CDH18: variants seen among roughly 807,000 people sequenced by gnomAD.
CDH18 encodes cadherin 18, also known as cadherin-18.
CDH18 carries 31 observed loss-of-function variants against 67.9 expected under a neutral mutation model. That is an observed-to-expected ratio of 0.46 (90% CI 0.34 to 0.62). The LOEUF (loss-of-function observed/expected upper bound fraction) is 0.62. CDH18 is among the 20% of genes least tolerant of loss of function. The pLI, the probability that CDH18 is intolerant of heterozygous loss-of-function variation, is 0.01. For missense variants in CDH18, 890 were observed against 975.5 expected (o/e 0.91, Z 1.17); for synonymous variants, 362 against 347.2 (o/e 1.04, Z -0.48).
At chr5:20,489,392 A>G (rs1753442705) in intron 1 of CDH18, among the ~76,000 whole-genome samples, 1 of 152,084 alleles carries the variant, frequency 6.6e-6, no homozygotes, top group East Asian at 1.9e-4. Context: ...TGATTATTGA[A>G]TATTTTGATA....
intron 2 of CDH18, among the ~76,000 whole-genome samples, chr5:19,938,007 C>CTA (rs935258012): frequency 6.9e-6 from 1 of 145,726 alleles, no homozygotes; most frequent in East Asian, 2.0e-4. Context: ...AATATATTTG[C>CTA]TATATATATA....
rs186532304 is a variant in CDH18 at position 20,288,085 on chromosome 5, T to G, written c.-579-32580A>C. ...AGATATTCTGGGGTCATTTTTTTTT[T>G]GTCACTGTGGACCAAATGCCATGCA... On this transcript the variant is annotated intron_variant, in intron 1 of 14. Coordinates refer to the CDH18 transcript ENST00000507958. Among the ~76,000 whole-genome samples, 3 of 151,838 alleles carry G rather than the reference T, an allele frequency of 2.0e-5. No homozygotes were observed. The East Asian group carries it at 5.8e-4, about 29-fold the overall frequency.
intron 1 of CDH18, chr5:20,255,627 T>TTA (rs1744175213): frequency 6.6e-6 from 1 of 151,940 alleles, no homozygotes; most frequent in Non-Finnish European, 1.5e-5. Flanking sequence ...AATACATTTT[T>TTA]GAAGAGATAA....
At chr5:20,100,233 G>C (rs1334168624) in intron 2 of CDH18, among the ~76,000 whole-genome samples, 1 of 152,050 alleles carries the variant, frequency 6.6e-6, no homozygotes, top group African/African-American at 2.4e-5. Flanking sequence ...TAAAAGAATG[G>C]GGTAGAATTT....
At chr5:20,573,665 T>C (rs1285858557) in intron 1 of CDH18, among the ~76,000 whole-genome samples, 1 of 150,390 alleles carries the variant, frequency 6.6e-6, no homozygotes, top group Non-Finnish European at 1.5e-5. Context: ...CTAAACAAGG[T>C]TATAATAGAT....
intron 2 of CDH18, among the ~76,000 whole-genome samples, chr5:20,033,031 A>T (rs1291634313): frequency 6.6e-6 from 1 of 151,942 alleles, no homozygotes; most frequent in African/African-American, 2.4e-5. Context: ...AACACAAAAG[A>T]TATTATCTCC....
intron 3 of CDH18, among the ~76,000 whole-genome samples, chr5:19,781,216 C>A (rs906996867): frequency 6.6e-6 from 1 of 151,286 alleles, no homozygotes. Flanking sequence ...ATTGTTATTG[C>A]AAAGAAAAAA....
chr5:20,462,974 G>C (rs1046941367), intron 1 of CDH18, among the ~76,000 whole-genome samples: 1 of 152,060 alleles, frequency 6.6e-6, no homozygotes, highest in South Asian at 2.1e-4. Flanking sequence ...ACATACTCTG[G>C]AGCAAAACTG....
intron 6 of CDH18, among the ~76,000 whole-genome samples, chr5:19,609,421 C>T (rs547494329): frequency 9.2e-5 from 14 of 151,928 alleles, no homozygotes; most frequent in Middle Eastern, 3.4e-3. Flanking sequence ...TTTCACATTC[C>T]TGATACTGAC....
intron 11 of CDH18, chr5:19,502,565 T>C (rs1743431129): frequency 6.6e-6 from 2 of 304,640 alleles, no homozygotes; most frequent in East Asian, 5.6e-5. Context: ...GGAAATATAA[T>C]TTGTAAAGCA....
intron 6 of CDH18, among the ~76,000 whole-genome samples, chr5:19,612,138 T>C (rs1385532019): frequency 1.3e-5 from 2 of 152,188 alleles, no homozygotes; most frequent in South Asian, 2.1e-4. Flanking sequence ...TTTAAGAATA[T>C]ACAGATACTT....
chr5:20,055,356 C>G (rs1741811175), intron 2 of CDH18, among the ~76,000 whole-genome samples: 1 of 152,188 alleles, frequency 6.6e-6, no homozygotes, highest in South Asian at 2.1e-4. Flanking sequence ...CTCAAAGCCT[C>G]AATTCTGAAA....
intron 8 of CDH18, 72 bp downstream of exon 8, chr5:19,571,507 T>G: frequency 1.5e-6 from 2 of 1,337,678 alleles, no homozygotes; most frequent in Non-Finnish European, 2.1e-6. Flanking sequence ...TAAGTGTAAT[T>G]TTATTCAAGT....
intron 5 of CDH18, among the ~76,000 whole-genome samples, chr5:19,658,359 G>A (rs1397263279): frequency 6.6e-6 from 1 of 152,020 alleles, no homozygotes; most frequent in East Asian, 1.9e-4. Flanking sequence ...CTTGAGCAAA[G>A]CAGGTTAAAA....
At chr5:19,787,028 C>T (rs1485043527) in intron 3 of CDH18, among the ~76,000 whole-genome samples, 1 of 152,108 alleles carries the variant, frequency 6.6e-6, no homozygotes, top group African/African-American at 2.4e-5. Context: ...TTGAGAGAAA[C>T]TGATACAACT....
intron 2 of CDH18, among the ~76,000 whole-genome samples, chr5:20,192,206 T>C (rs939939477): frequency 3.3e-5 from 5 of 151,764 alleles, no homozygotes; most frequent in African/African-American, 1.2e-4. Flanking sequence ...CGACGTTTTT[T>C]TTTTTCTTGT....
chr5:19,693,891 GTCTGAAAAAAA>G (rs1762215792), intron 5 of CDH18, among the ~76,000 whole-genome samples: 2 of 68,616 alleles, frequency 2.9e-5, no homozygotes, highest in Admixed American at 2.0e-4. Context: ...GTGAGACTCT[GTCTGAAAAAAA>G]AAAAAAAAAA....
intron 2 of CDH18, among the ~76,000 whole-genome samples, chr5:19,977,849 T>G (rs1409695681): frequency 6.6e-6 from 1 of 152,152 alleles, no homozygotes; most frequent in Non-Finnish European, 1.5e-5. Context: ...GTCTCTTAGT[T>G]AAAAATTAGT....
At chr5:19,658,219 A>G (rs1019706319) in intron 5 of CDH18, among the ~76,000 whole-genome samples, 3 of 152,110 alleles carry the variant, frequency 2.0e-5, no homozygotes, top group Non-Finnish European at 2.9e-5. Flanking sequence ...TATATGTAAC[A>G]TAAGAGCTAA....
Sources: allele counts gnomAD v4.1 joint callset (sites outside exome capture counted in the v4.1 genomes callset), GRCh38; gene constraint gnomAD v4.1.1; transcripts MANE v1.5; gene names NCBI Gene and HGNC (gene_info 2026-07-23, HGNC 2026-07-21).